The following IGF2BP3 variants were observed in gnomAD, a reference collection of about 807,000 sequenced individuals.
The protein encoded by IGF2BP3 is insulin like growth factor 2 mRNA binding protein 3.
A neutral mutation model predicts 73.8 loss-of-function variants in IGF2BP3; 9 were observed. The ratio of observed to expected loss-of-function variants is 0.12; its 90% CI spans 0.07 to 0.21. IGF2BP3 has a LOEUF of 0.21. Ranked by LOEUF, IGF2BP3 falls within the 10% of genes least tolerant of loss-of-function variation. The probability of loss-of-function intolerance (pLI) is 1.00; values close to 1 mark genes in which losing one functional copy is unlikely to be tolerated. For missense variants in IGF2BP3, 542 were observed against 714.0 expected, an observed-to-expected ratio of 0.76 and a Z score of 2.75; for synonymous variants, 258 against 256.7, an observed-to-expected ratio of 1.01 and a Z score of -0.05.
chr7:23,361,561 G>A lies in IGF2BP3; in HGVS notation c.374C>T (p.Thr125Ile), dbSNP rs1785229735. Residue 125 changes from threonine (T) to isoleucine (I), a missense_variant, in exon 5 of 15, where the codon ACC becomes ATC. Around this residue, in one of 2 missense-constraint regions of IGF2BP3, gnomAD observed 239 missense variants for 241.9 expected, o/e 0.99. Coordinates refer to ENST00000258729, the MANE Select transcript of IGF2BP3 (RefSeq NM_006547.3). ...TDSETAVVNV[T>I]YSSKDQARQA... ...TCTAGCTTGGTCCTTACTGGAATAGGTTACATTTACAACTGCAGTTTCCGA... is the reference window on the plus strand; with the variant it reads ...TCTAGCTTGGTCCTTACTGGAATAGATTACATTTACAACTGCAGTTTCCGA... The A allele has an allele frequency of 1.2e-6, 2 of 1,612,884 alleles. No individual in the cohort carries two copies. Among genetic ancestry groups the A allele is most frequent in the Non-Finnish European group, 1.7e-6 (2 of 1,179,654 alleles).
chr7:23,352,290 T>A (rs1325494642), intron 5 of IGF2BP3, among the ~76,000 whole-genome samples: 1 of 129,024 alleles, frequency 7.8e-6, no homozygotes, highest in African/African-American at 3.3e-5. Flanking sequence ...TTTTTTTTTT[T>A]TTTTTTTTTT....
intron 3 of IGF2BP3, among the ~76,000 whole-genome samples, chr7:23,374,986 A>G (rs965194673): frequency 6.6e-6 from 1 of 152,136 alleles, no homozygotes; most frequent in Non-Finnish European, 1.5e-5. Context: ...ACAATTTTAT[A>G]TTATGTGAAT....
At chr7:23,397,099 A>G (rs549203782) in intron 3 of IGF2BP3, among the ~76,000 whole-genome samples, 1 of 152,250 alleles carries the variant, frequency 6.6e-6, no homozygotes, top group South Asian at 2.1e-4. Flanking sequence ...CTTATATTTT[A>G]ATGAAAAGTA....
At chr7:23,396,627 T>G (rs1244548783) in intron 3 of IGF2BP3, 1 of 151,978 alleles carries the variant, frequency 6.6e-6, no homozygotes, top group Non-Finnish European at 1.5e-5. Flanking sequence ...AGGAATGATG[T>G]CTAAATTGAG....
chr7:23,412,877 T>TG (rs1787071710), intron 3 of IGF2BP3, among the ~76,000 whole-genome samples: 1 of 105,122 alleles, frequency 9.5e-6, no homozygotes, highest in Non-Finnish European at 1.9e-5. Flanking sequence ...TTTTTTTTTT[T>TG]GAGACAGAGT....
At chr7:23,417,828 G>A (rs1787235979) in intron 3 of IGF2BP3, among the ~76,000 whole-genome samples, 1 of 152,076 alleles carries the variant, frequency 6.6e-6, no homozygotes, top group African/African-American at 2.4e-5. Flanking sequence ...CATCTATAAA[G>A]TATATTTTTA....
rs534786199 is a variant in IGF2BP3 at position 23,452,046 on chromosome 7, C to G, written c.236+16436G>C. ...TTGAGATGGAGTCTCCCGCTGTCAC[C>G]AAGGCTGGAGCACAGTGGCGTGATA... On this transcript the variant is annotated intron_variant, in intron 2 of 14. Coordinates refer to ENST00000258729, the MANE Select transcript of IGF2BP3 (RefSeq NM_006547.3). Among the ~76,000 whole-genome samples, 229 of 149,754 alleles carry G rather than the reference C, an allele frequency of 1.5e-3. 1 individual carries two copies. The highest frequency in any genetic ancestry group is 5.1e-3 in the African/African-American group (209 of 40,670).
At chr7:23,412,803 T>C (rs1048600779) in intron 3 of IGF2BP3, among the ~76,000 whole-genome samples, 6 of 146,296 alleles carry the variant, frequency 4.1e-5, no homozygotes, top group Non-Finnish European at 9.0e-5. Context: ...GGAAATAACA[T>C]TAGGAGAAAC....
rs1461134815 is a variant in IGF2BP3 at position 23,439,399 on chromosome 7, A to C, written c.237-20575T>G. 6.3e-3 allele frequency among the ~76,000 whole-genome samples: 952 copies of C among 151,334 alleles called. 13 individuals carry two copies. The highest frequency in any genetic ancestry group is 0.021 in the African/African-American group (848 of 41,330). The stretch of plus-strand genomic sequence containing the variant: ...GAAACCCCACCTACTAAAAATACAA[A>C]AAAAAAAAAATTAGCCGGGTGTGGT... On this transcript the variant is annotated intron_variant, in intron 2 of 14. Transcript: ENST00000258729.
At chr7:23,369,239 T>C (rs374384853) in intron 3 of IGF2BP3, among the ~76,000 whole-genome samples, 16 of 152,206 alleles carry the variant, frequency 1.1e-4, no homozygotes, top group East Asian at 5.8e-4. Flanking sequence ...CCTAAGTGCC[T>C]GGACCGAGAC....
At chr7:23,316,773 A>G (rs183993960) in intron 12 of IGF2BP3, among the ~76,000 whole-genome samples, 8 of 152,176 alleles carry the variant, frequency 5.3e-5, no homozygotes, top group Admixed American at 3.9e-4. Context: ...CAAGACACCC[A>G]TACTAAATTT....
At chr7:23,323,032 G>C (rs1784201275) in intron 10 of IGF2BP3, among the ~76,000 whole-genome samples, 1 of 152,046 alleles carries the variant, frequency 6.6e-6, no homozygotes, top group African/African-American at 2.4e-5. Flanking sequence ...AAAATAACCA[G>C]CTAACATCAT....
At chr7:23,335,555 G>T (rs1211704050) in intron 10 of IGF2BP3, among the ~76,000 whole-genome samples, 1 of 152,042 alleles carries the variant, frequency 6.6e-6, no homozygotes, top group Non-Finnish European at 1.5e-5. Context: ...GGGATTACAG[G>T]CATAAACCAC....
intron 10 of IGF2BP3, among the ~76,000 whole-genome samples, chr7:23,334,524 C>A (rs749539135): frequency 3.9e-5 from 6 of 152,198 alleles, no homozygotes; most frequent in African/African-American, 1.4e-4. Flanking sequence ...GGCCCATTAG[C>A]GTTACCCAGT....
chr7:23,377,109 A>T (rs1019666881), intron 3 of IGF2BP3, among the ~76,000 whole-genome samples: 12 of 149,102 alleles, frequency 8.0e-5, no homozygotes, highest in Non-Finnish European at 1.2e-4. Flanking sequence ...GACAAAATTT[A>T]AAAAAAAAAC....
At chr7:23,410,286 A>C (rs1786978475) in intron 3 of IGF2BP3, among the ~76,000 whole-genome samples, 1 of 152,004 alleles carries the variant, frequency 6.6e-6, no homozygotes, top group African/African-American at 2.4e-5. Flanking sequence ...GAGCCCAGGA[A>C]GTCAAGGCTG....
chr7:23,317,030 A>C (rs368279616), intron 12 of IGF2BP3, among the ~76,000 whole-genome samples: 1 of 152,224 alleles, frequency 6.6e-6, no homozygotes, highest in African/African-American at 2.4e-5. Context: ...CAAATGGCAG[A>C]GCTAGGATTT....
intron 2 of IGF2BP3, among the ~76,000 whole-genome samples, chr7:23,448,097 G>A (rs13242065): frequency 0.057 from 8,710 of 152,250 alleles, 330 homozygotes; most frequent in Non-Finnish European, 0.081. Context: ...GTCAGAGGCC[G>A]GACTCTCCAT....
At chr7:23,402,886 C>T (rs1182681949) in intron 3 of IGF2BP3, among the ~76,000 whole-genome samples, 4 of 152,182 alleles carry the variant, frequency 2.6e-5, no homozygotes, top group African/African-American at 9.7e-5. Flanking sequence ...GAGAAAGCTT[C>T]ACCCCTTAAG....
Sources: allele counts gnomAD v4.1 joint callset (sites outside exome capture counted in the v4.1 genomes callset), GRCh38; gene constraint gnomAD v4.1.1; regional missense constraint gnomAD v4.1.1; transcripts MANE v1.5; gene names NCBI Gene and HGNC (gene_info 2026-07-23, HGNC 2026-07-21).